The following GALNTL6 variants were observed in gnomAD, a reference collection of about 807,000 sequenced individuals.
GALNTL6 encodes polypeptide N-acetylgalactosaminyltransferase-like 6.
A neutral mutation model predicts 73.7 loss-of-function variants in GALNTL6; 46 were observed. The observed-to-expected ratio is 0.62, with a 90% CI of 0.49 to 0.80. The LOEUF (loss-of-function observed/expected upper bound fraction) is 0.80, where lower values mean the gene tolerates loss of function less well. GALNTL6 is among the 30% of genes least tolerant of loss of function. GALNTL6 has a pLI of 0.00. For synonymous variants in GALNTL6, 259 were observed against 263.7 expected (o/e 0.98, Z 0.17); for missense variants, 604 against 755.0 (o/e 0.80, Z 2.34).
intron 2 of GALNTL6, among the ~76,000 whole-genome samples, chr4:171,962,237 G>C (rs180924197): frequency 6.6e-6 from 1 of 152,280 alleles, no homozygotes; most frequent in African/African-American, 2.4e-5. Context: ...TATGTCAGAA[G>C]CATTTGAACA....
At chr4:172,163,570 T>C (rs545062999) in intron 2 of GALNTL6, among the ~76,000 whole-genome samples, 1 of 152,034 alleles carries the variant, frequency 6.6e-6, no homozygotes, top group Non-Finnish European at 1.5e-5. Context: ...CTTATTTCCC[T>C]ACAAGTCTTC....
intron 5 of GALNTL6, among the ~76,000 whole-genome samples, chr4:172,563,681 T>TCA (rs1444550206): frequency 1.3e-5 from 2 of 152,220 alleles, no homozygotes; most frequent in African/African-American, 2.4e-5. Flanking sequence ...AAGTCAAGGA[T>TCA]CACTGTAACA....
chr4:172,126,944 A>T (rs1480006089), intron 2 of GALNTL6, among the ~76,000 whole-genome samples: 1 of 152,232 alleles, frequency 6.6e-6, no homozygotes, highest in Non-Finnish European at 1.5e-5. Context: ...TGTCCTCAGC[A>T]GGAAGCCACC....
At chr4:172,428,764 T>C (rs946903168) in intron 5 of GALNTL6, among the ~76,000 whole-genome samples, 8 of 152,140 alleles carry the variant, frequency 5.3e-5, no homozygotes, top group African/African-American at 1.7e-4. Context: ...TTCTGCACAA[T>C]TTTTTTCCAA....
At chr4:172,117,703 A>G (rs911027607) in intron 2 of GALNTL6, among the ~76,000 whole-genome samples, 3 of 152,182 alleles carry the variant, frequency 2.0e-5, no homozygotes, top group Admixed American at 2.0e-4. Flanking sequence ...CTATTCGTGC[A>G]CTAGAATGGA....
chr4:172,240,302 C>A (rs2110990879), intron 3 of GALNTL6, among the ~76,000 whole-genome samples: 1 of 152,192 alleles, frequency 6.6e-6, no homozygotes, highest in South Asian at 2.1e-4. Flanking sequence ...CGGCTCACTG[C>A]AAGCTCCGCC....
chr4:172,130,828 A>T (rs1733468880), intron 2 of GALNTL6, among the ~76,000 whole-genome samples: 1 of 151,450 alleles, frequency 6.6e-6, no homozygotes, highest in South Asian at 2.1e-4. Context: ...ATATAATTAA[A>T]TTTTTAAAAA....
At position 172,348,592 on chromosome 4, in the gene GALNTL6, T is replaced by C. The variant is rs767550546; in HGVS notation, c.456T>C (p.Gly152=). 1.1e-5 allele frequency: 17 copies of C among 1,612,182 alleles called. No homozygotes were observed. The East Asian group carries it at 2.0e-4, about 19-fold the overall frequency. ...TCATTATCCCATTTCATAATGAAGG[T>C]TGGACTTCACTCCTGCGGACCATAC... ...TSIIIPFHNE[G]WTSLLRTIHS... is the part of the protein sequence containing the mutation. The change falls in exon 5 of 13, where the codon GGT becomes GGC. Residue 152 remains glycine (G), a synonymous_variant. Transcript: ENST00000506823.
intron 7 of GALNTL6, among the ~76,000 whole-genome samples, chr4:172,863,669 C>T (rs568936126): frequency 6.6e-6 from 1 of 151,828 alleles, no homozygotes; most frequent in South Asian, 2.1e-4. Flanking sequence ...TGCCTTGTCT[C>T]AGGTGAGACT....
chr4:172,897,941 T>C (rs992122922), intron 8 of GALNTL6, among the ~76,000 whole-genome samples: 1 of 152,192 alleles, frequency 6.6e-6, no homozygotes, highest in Non-Finnish European at 1.5e-5. Flanking sequence ...CAAGCTTTCA[T>C]TTGCAGGGAG....
intron 2 of GALNTL6, among the ~76,000 whole-genome samples, chr4:171,982,284 G>A (rs1199867030): frequency 8.7e-6 from 1 of 114,736 alleles, no homozygotes; most frequent in East Asian, 2.3e-4. Flanking sequence ...ATAGACGAAA[G>A]TATTTTGTTT....
chr4:172,190,510 T>G (rs1213731913), intron 2 of GALNTL6, among the ~76,000 whole-genome samples: 2 of 151,922 alleles, frequency 1.3e-5, no homozygotes, highest in Non-Finnish European at 2.9e-5. Flanking sequence ...GAAAAAAAAG[T>G]GTGTAAGTTA....
chr4:172,415,842 C>T (rs1017223575), intron 5 of GALNTL6, among the ~76,000 whole-genome samples: 1 of 152,092 alleles, frequency 6.6e-6, no homozygotes, highest in Non-Finnish European at 1.5e-5. Flanking sequence ...CAGAACAGGA[C>T]AAGGATTTTC....
At chr4:171,869,075 G>A (rs1238326081) in intron 2 of GALNTL6, among the ~76,000 whole-genome samples, 3 of 152,166 alleles carry the variant, frequency 2.0e-5, no homozygotes, top group Admixed American at 1.3e-4. Flanking sequence ...CAGGGTAGTA[G>A]AAAAATCTCA....
intron 5 of GALNTL6, among the ~76,000 whole-genome samples, chr4:172,363,010 A>G (rs985582776): frequency 3.3e-5 from 5 of 152,180 alleles, no homozygotes; most frequent in Non-Finnish European, 7.4e-5. Flanking sequence ...AATAATATTT[A>G]TAACAATCAA....
At chr4:172,298,266 G>A (rs1478643071) in intron 3 of GALNTL6, among the ~76,000 whole-genome samples, 2 of 151,980 alleles carry the variant, frequency 1.3e-5, no homozygotes, top group African/African-American at 2.4e-5. Flanking sequence ...GAGATGATGG[G>A]GTTTTCTAGA....
chr4:172,964,867 C>T (rs1429459022), intron 10 of GALNTL6, among the ~76,000 whole-genome samples: 1 of 152,204 alleles, frequency 6.6e-6, no homozygotes, highest in Non-Finnish European at 1.5e-5. Flanking sequence ...GCACAACGAG[C>T]GAGGCTCCCT....
At chr4:172,636,907 A>AT (rs535225450) in intron 5 of GALNTL6, among the ~76,000 whole-genome samples, 3 of 151,934 alleles carry the variant, frequency 2.0e-5, no homozygotes, top group South Asian at 2.1e-4. Context: ...TAATAGTTTG[A>AT]TTTTTTTTCA....
intron 2 of GALNTL6, among the ~76,000 whole-genome samples, chr4:171,875,603 C>T (rs1012595006): frequency 3.3e-5 from 5 of 152,014 alleles, no homozygotes; most frequent in South Asian, 2.1e-4. Context: ...GCTTATTGTT[C>T]TTATGTATCT....
Sources: allele counts gnomAD v4.1 joint callset (sites outside exome capture counted in the v4.1 genomes callset), GRCh38; gene constraint gnomAD v4.1.1; transcripts MANE v1.5; gene names NCBI Gene and HGNC (gene_info 2026-07-23, HGNC 2026-07-21).